Variants in GOLGA8A observed in about 807,000 individuals in gnomAD.
The protein encoded by GOLGA8A is golgin subfamily A member 8A.
A neutral mutation model predicts 22.1 loss-of-function variants in GOLGA8A; 3 were observed. The ratio of observed to expected loss-of-function variants is 0.14; its 90% CI spans 0.06 to 0.35. The LOEUF is 0.35. Ranked by LOEUF, GOLGA8A falls within the 10% of genes least tolerant of loss-of-function variation. The pLI is 1.00. For synonymous variants in GOLGA8A, 7 were observed against 91.7 expected, an observed-to-expected ratio of 0.08 and a Z score of 5.28; for missense variants, 16 against 233.2, an observed-to-expected ratio of 0.07 and a Z score of 6.07.
At position 34,432,991 on chromosome 15, in the gene GOLGA8A, C is replaced by T. The variant is rs537752327; in HGVS notation, c.-1123+2392G>A. ...AAACAACCACAGGCAAGAGGCCTCA[C>T]GCGGGTATTGCAGATGCTGAGAAAG... is the stretch of plus-strand genomic sequence containing the variant. On this transcript the variant is annotated intron_variant, in intron 2 of 24. Coordinates refer to ENST00000359187, the MANE Select transcript of GOLGA8A (RefSeq NM_181077.5). Among the ~76,000 whole-genome samples the T allele has an allele frequency of 9.0e-4, 134 of 149,032 alleles. 9 individuals carry two copies. The South Asian group carries it at 0.014, about 16-fold the overall frequency.
intron 2 of GOLGA8A, among the ~76,000 whole-genome samples, chr15:34,429,877 C>A (rs1684114167): frequency 6.8e-6 from 1 of 147,806 alleles, no homozygotes; most frequent in Non-Finnish European, 1.5e-5. Context: ...GGTTAGTGTC[C>A]CGCACCCCTT....
At position 34,430,995 on chromosome 15, in the gene GOLGA8A, A is replaced by G. The variant is rs1273654248; in HGVS notation, c.-1123+4388T>C. On this transcript the variant is annotated intron_variant, in intron 2 of 24. Coordinates refer to ENST00000359187, the MANE Select transcript of GOLGA8A (RefSeq NM_181077.5). ...AGCACATGGCTCACTTATTACACCA[A>G]AAGACTGAGAAACAGAAACTGTGTT... is the stretch of plus-strand genomic sequence containing the variant. Among the ~76,000 whole-genome samples, 3 of 124,188 alleles carry G rather than the reference A, an allele frequency of 2.4e-5. No homozygotes were observed. In the South Asian group the frequency reaches 1.1e-3, roughly 45 times the overall value. The allele number at this position is 124,188 out of a possible 152,430, so 81.5% of individuals were successfully genotyped here. A position where few individuals can be genotyped will look rare whatever the true frequency, so the allele number is the denominator to read the frequency against.
chr15:34,418,604 G>A (rs1026052030), intron 2 of GOLGA8A: 4 of 146,974 alleles, frequency 2.7e-5, no homozygotes, highest in African/African-American at 1.0e-4. Context: ...AGGACTTCCT[G>A]TGTCATGCCA....
chr15:34,433,416 A>T (rs1893345191), intron 2 of GOLGA8A, among the ~76,000 whole-genome samples: 1 of 149,198 alleles, frequency 6.7e-6, no homozygotes, highest in African/African-American at 2.5e-5. Flanking sequence ...AAACAACTGA[A>T]AATCCAAAAA....
intron 2 of GOLGA8A, among the ~76,000 whole-genome samples, chr15:34,430,712 G>T (rs1235399822): frequency 6.7e-6 from 1 of 149,744 alleles, no homozygotes; most frequent in Non-Finnish European, 1.5e-5. Flanking sequence ...GTGCTTTACT[G>T]TAGCAGAACA....
At chr15:34,418,119 T>C (rs1892647696) in intron 2 of GOLGA8A, 1 of 75,694 alleles carries the variant, frequency 1.3e-5, no homozygotes, top group Non-Finnish European at 2.6e-5. Flanking sequence ...TTGTAGTAAC[T>C]GTAGATTCTT....
At chr15:34,427,767 A>G (rs1232223110) in intron 2 of GOLGA8A, among the ~76,000 whole-genome samples, 2,112 of 138,476 alleles carry the variant, frequency 0.015, no homozygotes, top group African/African-American at 0.058. Flanking sequence ...TGTTCAAAAG[A>G]AACAAGTGCA....
chr15:34,425,790 TAGAA>T (rs1012032617), intron 2 of GOLGA8A, among the ~76,000 whole-genome samples: 2 of 146,472 alleles, frequency 1.4e-5, no homozygotes, highest in Non-Finnish European at 1.5e-5. Context: ...AAAAGAGAAT[TAGAA>T]AGAGAAATTC....
At chr15:34,383,706 G>GA (rs1566903073) in intron 18 of GOLGA8A, 40 bp downstream of exon 18, 5 of 131,800 alleles carry the variant, frequency 3.8e-5, no homozygotes, top group South Asian at 1.4e-4. Context: ...GTTGTTGGTG[G>GA]GGGGGGGGTG....
chr15:34,431,417 T>C (rs1188677070), intron 2 of GOLGA8A, among the ~76,000 whole-genome samples: 1 of 143,968 alleles, frequency 6.9e-6, no homozygotes, highest in Non-Finnish European at 1.5e-5. Flanking sequence ...CACACACTCA[T>C]GCGTCACTTA....
rs1296312074 is a variant in GOLGA8A, at chr15:34,436,621, C to T, written c.-1212+777G>A. On this transcript the variant is annotated intron_variant, in intron 1 of 24. Transcript: ENST00000359187. ...TCCCCGCACCCTCCCTCCGCGTCGG[C>T]CCGGAGAAAAGGAAGTTCGCCCCTA... Among the ~76,000 whole-genome samples the T allele has an allele frequency of 3.3e-5, 5 of 150,104 alleles. 1 individual carries two copies. The highest frequency in any genetic ancestry group is 5.9e-5 in the Non-Finnish European group (4 of 67,322).
In GOLGA8A at chr15:34,437,079, C is replaced by A. The variant is rs1253756204; in HGVS notation, c.-1212+319G>T. 2.0e-5 allele frequency among the ~76,000 whole-genome samples: 3 copies of A among 148,280 alleles called. 1 individual carries two copies. Among genetic ancestry groups the A allele is most frequent in the Non-Finnish European group, 1.5e-5 (1 of 66,732 alleles). ...CGGGCGGCCCCGCCAGACAGCGCCA[C>A]TTGCCGGCGCCGAGAGTGGCCCCTC... On this transcript the variant is annotated intron_variant, in intron 1 of 24. Coordinates refer to ENST00000359187, the MANE Select transcript of GOLGA8A (RefSeq NM_181077.5).
In GOLGA8A at chr15:34,380,334, T is replaced by A. The variant is rs1891420339; in HGVS notation, c.*1077A>T. 6.6e-6 allele frequency: 1 copy of A among 152,220 alleles called. No homozygotes were observed. Among genetic ancestry groups the A allele is most frequent in the African/African-American group, 2.4e-5 (1 of 41,460 alleles). 9.4% of individuals were successfully genotyped at this position (152,220 alleles called of 1,614,324 possible). Reference sequence around the variant, plus strand: ...GTCACACAGCTTTCCTTCACTCTAATTCATTCTTGACTAGAGCCTGTATGC... The same window carrying A: ...GTCACACAGCTTTCCTTCACTCTAAATCATTCTTGACTAGAGCCTGTATGC... On this transcript the variant is annotated 3_prime_UTR_variant, in exon 25 of 25. Coordinates refer to ENST00000359187, the MANE Select transcript of GOLGA8A (RefSeq NM_181077.5).
intron 2 of GOLGA8A, chr15:34,418,203 T>G (rs1443046805): frequency 4.8e-5 from 6 of 125,016 alleles, no homozygotes; most frequent in Non-Finnish European, 6.7e-5. Context: ...GTTTTCACTT[T>G]TTGCATCATA....
At position 34,437,403 on chromosome 15, in the gene GOLGA8A, C is replaced by G. The variant is rs1490693990; in HGVS notation, c.-1217G>C. 2 of 141,450 alleles carry G rather than the reference C, an allele frequency of 1.4e-5. 1 individual carries two copies. Among genetic ancestry groups the G allele is most frequent in the Non-Finnish European group, 3.1e-5 (2 of 63,926 alleles). The allele number at this position is 141,450 out of a possible 1,614,324, so 8.8% of individuals were successfully genotyped here. On this transcript the variant is annotated 5_prime_UTR_variant, in exon 1 of 25. Transcript: ENST00000359187. ...GCCGAGGTTCCCCAGCTTACCTGGC[C>G]AGGGCGCGGGGCTGCCCCGGTCCGC...
rs1411530128 is a variant in GOLGA8A, at chr15:34,417,425, ACG to A, written c.-1122-9692_-1122-9691del. ...AGGAAAAAGAGCAGATGGGAGAAAT[ACG>A]TGTTCAGTGTTCAGTTTTCCTTCTG... On this transcript the variant is annotated intron_variant, in intron 2 of 24. Transcript: ENST00000359187. The A allele has an allele frequency of 8.9e-4, 65 of 72,776 alleles. 1 individual carries two copies. The highest frequency in any genetic ancestry group is 1.6e-3 in the Non-Finnish European group (55 of 34,264). The allele number at this position is 72,776 out of a possible 1,614,324, so 4.5% of individuals were successfully genotyped here.
Position 34,432,644 on chromosome 15 carries a change from G to A in GOLGA8A, c.-1123+2739C>T, listed in dbSNP as rs1223102164. Among the ~76,000 whole-genome samples the A allele has an allele frequency of 2.0e-5, 3 of 149,698 alleles. No homozygotes were observed. The East Asian group carries it at 5.9e-4, about 29-fold the overall frequency. On this transcript the variant is annotated intron_variant, in intron 2 of 24. Transcript: ENST00000359187. ...TTCGCCATCAAAACCATCTTTAAAT[G>A]TTGGAGTGTTTCCGTTTCCAGACAA...
intron 2 of GOLGA8A, among the ~76,000 whole-genome samples, chr15:34,430,005 C>T (rs1210963509): frequency 6.8e-6 from 1 of 147,528 alleles, no homozygotes; most frequent in Non-Finnish European, 1.5e-5. Flanking sequence ...CAGGGGTCCC[C>T]CACGGCAGCT....
At chr15:34,436,960 C>G (rs1049184648) in intron 1 of GOLGA8A, among the ~76,000 whole-genome samples, 1 of 149,666 alleles carries the variant, frequency 6.7e-6, no homozygotes, top group Non-Finnish European at 1.5e-5. Flanking sequence ...CGATCCCAAA[C>G]TCAGTAGTTG....
Sources: gnomAD v4.1 joint callset for allele counts (sites outside exome capture counted in the v4.1 genomes callset) on GRCh38, gnomAD v4.1.1 for gene constraint, MANE v1.5 for transcripts, NCBI Gene and HGNC (gene_info 2026-07-23, HGNC 2026-07-21) for gene names.